TRIO: variants seen among roughly 807,000 people sequenced by gnomAD.
TRIO encodes the protein triple functional domain protein.
TRIO carries 58 observed loss-of-function variants against 351.9 expected under a neutral mutation model. The observed-to-expected ratio is 0.16, with a 90% CI of 0.13 to 0.21. The LOEUF is 0.21. Among genes scored for constraint, TRIO ranks in the 10% least tolerant of loss-of-function variants. The pLI, the probability that TRIO is intolerant of heterozygous loss-of-function variation, is 1.00. For synonymous variants in TRIO, 1,758 were observed against 1,595.7 expected, an observed-to-expected ratio of 1.10 and a Z score of -2.42; for missense variants, 3,201 against 4,027.8, an observed-to-expected ratio of 0.79 and a Z score of 5.56.
Position 14,430,862 on chromosome 5 carries a change from C to T in TRIO, c.5203+10841C>T, listed in dbSNP as rs189645808. Reference sequence around the variant, plus strand: ...TCCCGAGTAGCTGGGACCTCAGGCACCCGCCACCCTGACTAATTTTTATAT... The same window carrying T: ...TCCCGAGTAGCTGGGACCTCAGGCATCCGCCACCCTGACTAATTTTTATAT... On this transcript the variant is annotated intron_variant, in intron 34 of 56. Coordinates refer to ENST00000344204, the MANE Select transcript of TRIO (RefSeq NM_007118.4). Among the ~76,000 whole-genome samples the T allele has an allele frequency of 5.3e-3, 810 of 152,152 alleles. 7 individuals carry two copies. The highest frequency in any genetic ancestry group is 0.018 in the African/African-American group (761 of 41,502).
chr5:14,479,201 G>C (rs73749280), intron 41 of TRIO, 60 bp from the exon 42 acceptor site: 2 of 1,386,746 alleles, frequency 1.4e-6, no homozygotes, highest in African/African-American at 1.4e-5. Flanking sequence ...GCGGGTACTC[G>C]TGTATTCTAA....
chr5:14,254,359 A>G (rs1794912584), intron 1 of TRIO, among the ~76,000 whole-genome samples: 1 of 152,120 alleles, frequency 6.6e-6, no homozygotes, highest in Admixed American at 6.5e-5. Flanking sequence ...TTTAGTAGAG[A>G]CGGGGTTTCA....
At chr5:14,144,999 G>A (rs1787415303) in intron 1 of TRIO, among the ~76,000 whole-genome samples, 1 of 152,140 alleles carries the variant, frequency 6.6e-6, no homozygotes, top group Admixed American at 6.5e-5. Flanking sequence ...CTCCGGGTTG[G>A]AGAGCGGAGG....
chr5:14,218,713 G>T (rs1264565880), intron 1 of TRIO, among the ~76,000 whole-genome samples: 1 of 152,226 alleles, frequency 6.6e-6, no homozygotes, highest in African/African-American at 2.4e-5. Flanking sequence ...GGTGAGGGTC[G>T]CACAGCCTGT....
chr5:14,189,784 G>T (rs776283372), intron 1 of TRIO, among the ~76,000 whole-genome samples: 1 of 151,584 alleles, frequency 6.6e-6, no homozygotes, highest in East Asian at 1.9e-4. Flanking sequence ...AGGCTGGAGT[G>T]CAGTGGCCTG....
chr5:14,287,204 T>C lies in TRIO; in HGVS notation c.540+141T>C, dbSNP rs1023827880. On this transcript the variant is annotated intron_variant, in intron 4 of 56. Transcript: ENST00000344204. ...CTTACGAACATGTGATACGTAAAAT[T>C]AGTTACTGCATGAAATAACAGAGCT... 9 of 785,418 alleles carry C rather than the reference T, an allele frequency of 1.1e-5. No individual in the cohort carries two copies. The African/African-American group carries it at 1.4e-4, about 12-fold the overall frequency. The allele number at this position is 785,418 out of a possible 1,614,324, so 48.7% of individuals were successfully genotyped here.
chr5:14,363,818 G>C lies in TRIO; in HGVS notation c.2478G>C (p.Gln826His), dbSNP rs1288172279. The C allele has an allele frequency of 1.2e-6, 2 of 1,614,108 alleles. No individual in the cohort carries two copies. The highest frequency in any genetic ancestry group is 1.3e-5 in the African/African-American group (1 of 74,948). Residue 826 changes from glutamine to histidine, a missense_variant, in exon 14 of 57, where the codon CAG becomes CAC. Physicochemically the swap from Gln to His is conservative, Grantham distance 24 (BLOSUM62 0). This residue lies in a region of TRIO where 363 missense variants were observed against 553.5 expected (regional missense o/e 0.66). Transcript: ENST00000344204. ...CAGAAGATCTCACGATTGCAGAGCA[G>C]CGCCTCCAGCACCATGCAGACAAAG... ...FDTEDLTIAE[Q>H]RLQHHADKAL...
At chr5:14,352,044 T>C (rs574051996) in intron 11 of TRIO, among the ~76,000 whole-genome samples, 26 of 152,248 alleles carry the variant, frequency 1.7e-4, no homozygotes, top group Non-Finnish European at 3.4e-4. Context: ...CCATAGAGGC[T>C]TGTGGGAGGC....
intron 9 of TRIO, among the ~76,000 whole-genome samples, chr5:14,317,864 C>T (rs1158225540): frequency 2.0e-5 from 3 of 152,014 alleles, no homozygotes; most frequent in South Asian, 2.1e-4. Context: ...AGGTAGCTCA[C>T]GCCTGTAATC....
intron 22 of TRIO, 29 bp downstream of exon 22, chr5:14,387,661 T>A (rs1287204624): frequency 1.2e-6 from 2 of 1,608,664 alleles, no homozygotes; most frequent in Non-Finnish European, 1.7e-6. Flanking sequence ...ACTGAATAAA[T>A]TATGGTCTTC....
intron 34 of TRIO, among the ~76,000 whole-genome samples, chr5:14,421,504 T>C (rs929994710): frequency 6.7e-6 from 1 of 148,204 alleles, no homozygotes. Flanking sequence ...CTCGAGAGGC[T>C]GAGGCAGGAA....
chr5:14,367,306 C>T (rs1348949286), intron 16 of TRIO, among the ~76,000 whole-genome samples: 2 of 152,150 alleles, frequency 1.3e-5, no homozygotes, highest in Non-Finnish European at 2.9e-5. Flanking sequence ...TGGAATGGCT[C>T]AGAACCGAGG....
At chr5:14,274,903 T>TATA (rs1292207699) in intron 2 of TRIO, among the ~76,000 whole-genome samples, 1 of 152,204 alleles carries the variant, frequency 6.6e-6, no homozygotes, top group African/African-American at 2.4e-5. Flanking sequence ...GACCATCTTG[T>TATA]ATAATTCCTG....
Position 14,502,631 on chromosome 5 carries a change from C to G in TRIO, c.8385C>G (p.Phe2795Leu). The G allele has an allele frequency of 6.2e-7, 1 of 1,614,220 alleles. No homozygotes were observed. Among genetic ancestry groups the G allele is most frequent in the Non-Finnish European group, 8.5e-7 (1 of 1,180,046 alleles). ...MVTWKDNFDS[F>L]YSEVAELGRG... ...CCTGGAAAGACAACTTTGACTCCTT[C>G]TACAGTGAAGTGGCTGAGCTTGGCA... The change falls in exon 54 of 57, where the codon TTC becomes TTG. Residue 2795 changes from phenylalanine (F) to leucine (L), a missense_variant. Transcript: ENST00000344204.
intron 1 of TRIO, among the ~76,000 whole-genome samples, chr5:14,153,319 A>T (rs939177425): frequency 6.6e-6 from 1 of 152,230 alleles, no homozygotes; most frequent in African/African-American, 2.4e-5. Context: ...GTGGGATGAG[A>T]TAGCACCTTT....
intron 1 of TRIO, among the ~76,000 whole-genome samples, chr5:14,218,167 C>T (rs1792345250): frequency 1.3e-5 from 2 of 152,304 alleles, no homozygotes; most frequent in Middle Eastern, 3.4e-3. Context: ...TTCATCTCTG[C>T]ACTTTGTCAT....
At chr5:14,179,033 C>T (rs1233701533) in intron 1 of TRIO, among the ~76,000 whole-genome samples, 2 of 152,190 alleles carry the variant, frequency 1.3e-5, no homozygotes, top group Non-Finnish European at 2.9e-5. Flanking sequence ...TCTTTGTACT[C>T]CCCCCACCCC....
chr5:14,504,307 C>T, intron 54 of TRIO, 86 bp from the exon 55 acceptor site: 4 of 1,466,978 alleles, frequency 2.7e-6, no homozygotes, highest in Non-Finnish European at 3.7e-6. Context: ...GGCCACCACA[C>T]AGCCAGTCCA....
At position 14,482,654 on chromosome 5, in the gene TRIO, C is replaced by G. The variant is rs370640168; in HGVS notation, c.6538C>G (p.Leu2180Val). 6.2e-7 allele frequency: 1 copy of G among 1,607,766 alleles called. No homozygotes were observed. Among genetic ancestry groups the G allele is most frequent in the Non-Finnish European group, 8.5e-7 (1 of 1,175,960 alleles). Residue 2180 changes from leucine (L) to valine (V), a missense_variant, in exon 46 of 57, where the codon CTG becomes GTG. Leu to Val is a conservative substitution (Grantham distance 32). Coordinates refer to ENST00000344204, the MANE Select transcript of TRIO (RefSeq NM_007118.4). ...GGTCACAGACCAAGATGCAGGACTT[C>G]TGCCTCGCTGCAGAGAGAGGCGCAT... Reference protein sequence around the residue: ...FLVTDQDAGLLPRCRERRIFL... With the variant: ...FLVTDQDAGLVPRCRERRIFL...
Sources: allele counts gnomAD v4.1 joint callset (sites outside exome capture counted in the v4.1 genomes callset), GRCh38; gene constraint gnomAD v4.1.1; regional missense constraint gnomAD v4.1.1; transcripts MANE v1.5; gene names NCBI Gene and HGNC (gene_info 2026-07-23, HGNC 2026-07-21).